The following CFAP54 variants were observed in gnomAD, a reference collection of about 807,000 sequenced individuals.
CFAP54 encodes the protein cilia and flagella associated protein 54.
In CFAP54, 290 loss-of-function variants were observed where a neutral mutation model predicts 370.4. That is an observed-to-expected ratio of 0.78 (90% CI 0.71 to 0.86). CFAP54 has a LOEUF of 0.86. Among genes scored for constraint, CFAP54 ranks in the 40% least tolerant of loss-of-function variants. CFAP54 has a pLI of 0.00. For synonymous variants in CFAP54, 1,206 were observed against 1,236.5 expected, an observed-to-expected ratio of 0.98 and a Z score of 0.52; for missense variants, 3,399 against 3,528.7, an observed-to-expected ratio of 0.96 and a Z score of 0.93.
In CFAP54 at chr12:96,754,775, G is replaced by C. The variant is rs552188796; in HGVS notation, c.7840+877G>C. 6.1e-5 allele frequency among the ~76,000 whole-genome samples: 9 copies of C among 147,836 alleles called. No individual in the cohort carries two copies. In the South Asian group the frequency reaches 1.3e-3, roughly 21 times the overall value. On this transcript the variant is annotated intron_variant, in intron 56 of 67. Transcript: ENST00000524981. ...TTTTTTTTTTTTGAGGTGTAGTCTC[G>C]CTCTGTTGCCCAGGCTGGAGTGCAG...
At chr12:96,739,092 A>G (rs1592734972) in intron 50 of CFAP54, among the ~76,000 whole-genome samples, 1 of 152,326 alleles carries the variant, frequency 6.6e-6, no homozygotes, top group South Asian at 2.1e-4. Flanking sequence ...AACACCTGTT[A>G]AATGTGACTG....
At chr12:96,832,494 T>G (rs1959174379) in intron 66 of CFAP54, among the ~76,000 whole-genome samples, 1 of 151,932 alleles carries the variant, frequency 6.6e-6, no homozygotes. Flanking sequence ...ACAGTTGTTG[T>G]GAAGATTAAA....
chr12:96,658,247 G>A lies in CFAP54; in HGVS notation c.5361G>A (p.Val1787=), dbSNP rs1401821827. 3 of 1,614,104 alleles carry A rather than the reference G, an allele frequency of 1.9e-6. No homozygotes were observed. The highest frequency in any genetic ancestry group is 2.7e-5 in the African/African-American group (2 of 75,040). Residue 1787 remains valine (V), a synonymous_variant, in exon 38 of 68, where the codon GTG becomes GTA. Transcript: ENST00000524981. ...RYTEQVTPLL[V]YAQRQLLLRI... is the part of the protein sequence containing the mutation. ...CAGAACAAGTGACACCACTTCTGGTGTATGCACAGCGCCAGCTTCTGCTGA... is the reference window on the plus strand; with the variant it reads ...CAGAACAAGTGACACCACTTCTGGTATATGCACAGCGCCAGCTTCTGCTGA...
chr12:96,567,479 C>G (rs1325612932), intron 19 of CFAP54, among the ~76,000 whole-genome samples: 2 of 152,004 alleles, frequency 1.3e-5, no homozygotes, highest in Admixed American at 6.6e-5. Flanking sequence ...GTTGGGTGGT[C>G]TGAGATCACA....
chr12:96,647,097 TATA>T (rs1340698414), intron 33 of CFAP54: 2 of 151,940 alleles, frequency 1.3e-5, no homozygotes, highest in African/African-American at 2.4e-5. Flanking sequence ...AAACTTAAAG[TATA>T]ATAATAAAAA....
chr12:96,739,307 G>A (rs1958022083), intron 50 of CFAP54, among the ~76,000 whole-genome samples: 1 of 151,744 alleles, frequency 6.6e-6, no homozygotes, highest in Non-Finnish European at 1.5e-5. Context: ...GAAGTGTGAT[G>A]CAATGATAAG....
At chr12:96,726,174 G>A (rs557820712) in intron 50 of CFAP54, among the ~76,000 whole-genome samples, 140 of 151,058 alleles carry the variant, frequency 9.3e-4, no homozygotes, top group African/African-American at 3.3e-3. Flanking sequence ...TTGGTATCAG[G>A]ATGATGCTGG....
At chr12:96,667,807 G>A (rs1392307261) in intron 39 of CFAP54, among the ~76,000 whole-genome samples, 2 of 152,096 alleles carry the variant, frequency 1.3e-5, no homozygotes, top group Non-Finnish European at 2.9e-5. Flanking sequence ...TCAGAAAATG[G>A]GTTTTTCTTT....
chr12:96,720,552 C>T lies in CFAP54; in HGVS notation c.6952C>T (p.Arg2318Trp), dbSNP rs983478862. 4.5e-6 allele frequency: 7 copies of T among 1,551,328 alleles called. No homozygotes were observed. The highest frequency in any genetic ancestry group is 2.7e-5 in the African/African-American group (2 of 73,108). The change falls in exon 50 of 68, where the codon CGG (arginine) becomes TGG (tryptophan). Residue 2318 changes from arginine to tryptophan, a missense_variant. This residue lies in a region of CFAP54 where 2,796 missense variants were observed against 2,869.7 expected (regional missense o/e 0.97). Transcript: ENST00000524981. ...QLAAVALQRH[R>W]AAYSAAIVFS... ...GGCTGCAGTTGCTCTGCAGAGGCAC[C>T]GGGCGGCATACAGGTGCGTCTCTCC...
intron 63 of CFAP54, among the ~76,000 whole-genome samples, chr12:96,800,804 T>A (rs1304409108): frequency 6.6e-6 from 1 of 152,176 alleles, no homozygotes; most frequent in Non-Finnish European, 1.5e-5. Flanking sequence ...AGCAACTCTA[T>A]AAGATAAACG....
intron 14 of CFAP54, among the ~76,000 whole-genome samples, chr12:96,541,287 CTTTTT>C (rs34387826): frequency 1.5e-5 from 2 of 135,886 alleles, no homozygotes; most frequent in Admixed American, 7.7e-5. Flanking sequence ...CTTTCTCTCC[CTTTTT>C]TTTTTTTTTT....
intron 64 of CFAP54, among the ~76,000 whole-genome samples, chr12:96,815,205 C>T (rs1381856395): frequency 1.3e-5 from 2 of 152,168 alleles, no homozygotes; most frequent in Non-Finnish European, 2.9e-5. Context: ...TCCGCATCCT[C>T]TCCAGCGTCT....
rs1958081838 is a variant in CFAP54, at chr12:96,743,897, T to G, written c.7544T>G (p.Ile2515Ser). 6.2e-7 allele frequency: 1 copy of G among 1,612,626 alleles called. No individual in the cohort carries two copies. The highest frequency in any genetic ancestry group is 1.3e-5 in the African/African-American group (1 of 74,826). The change falls in exon 54 of 68, where the codon ATT becomes AGT. Residue 2515 changes from isoleucine (I) to serine (S), a missense_variant. Around this residue, in one of 3 missense-constraint regions of CFAP54, gnomAD observed 2,796 missense variants for 2,869.7 expected, o/e 0.97. Transcript: ENST00000524981. ...AATTTGTTAACTCGGGCTCATAGCATTCTAACTGAACAGGTGAGAATGCTT... is the reference window on the plus strand; with the variant it reads ...AATTTGTTAACTCGGGCTCATAGCAGTCTAACTGAACAGGTGAGAATGCTT... Reference protein sequence around the residue: ...KLNLLTRAHSILTEQMLAFGE... With the variant: ...KLNLLTRAHSSLTEQMLAFGE...
intron 33 of CFAP54, chr12:96,646,880 C>G (rs1264715311): frequency 6.6e-6 from 1 of 152,148 alleles, no homozygotes; most frequent in African/African-American, 2.4e-5. Flanking sequence ...CATGTTCTCA[C>G]TCATAGGTGG....
At chr12:96,826,620 T>C (rs866891855) in intron 65 of CFAP54, among the ~76,000 whole-genome samples, 2 of 108,162 alleles carry the variant, frequency 1.8e-5, no homozygotes, top group African/African-American at 7.6e-5. Context: ...TATATCATGA[T>C]ATATGTTATA....
intron 9 of CFAP54, among the ~76,000 whole-genome samples, chr12:96,528,823 G>A (rs1955410300): frequency 1.3e-5 from 2 of 151,858 alleles, no homozygotes; most frequent in Admixed American, 6.6e-5. Flanking sequence ...ACTTTCTTGG[G>A]TTTGCTTTAC....
At chr12:96,756,014 A>G (rs1958253576) in intron 56 of CFAP54, among the ~76,000 whole-genome samples, 1 of 152,176 alleles carries the variant, frequency 6.6e-6, no homozygotes, top group African/African-American at 2.4e-5. Flanking sequence ...ACTTAGATTG[A>G]TTCCATATCT....
At chr12:96,821,847 C>A (rs529479393) in intron 65 of CFAP54, among the ~76,000 whole-genome samples, 18 of 152,094 alleles carry the variant, frequency 1.2e-4, no homozygotes, top group African/African-American at 4.1e-4. Flanking sequence ...CAATTCTGGT[C>A]TGGAATTGGA....
At chr12:96,559,076 C>T (rs1955787904) in intron 17 of CFAP54, among the ~76,000 whole-genome samples, 1 of 151,892 alleles carries the variant, frequency 6.6e-6, no homozygotes, top group Non-Finnish European at 1.5e-5. Context: ...ATCAGCTGAG[C>T]GTGGTGGTGC....
Sources: allele counts gnomAD v4.1 joint callset (sites outside exome capture counted in the v4.1 genomes callset), GRCh38; gene constraint gnomAD v4.1.1; regional missense constraint gnomAD v4.1.1; transcripts MANE v1.5; gene names NCBI Gene and HGNC (gene_info 2026-07-23, HGNC 2026-07-21).